PCDHA7: variants seen among roughly 807,000 people sequenced by gnomAD.
The protein encoded by PCDHA7 is protocadherin alpha-7.
In PCDHA7, 37 loss-of-function variants were observed where a neutral mutation model predicts 57.2. The ratio of observed to expected loss-of-function variants is 0.65; its 90% CI spans 0.50 to 0.85. PCDHA7 has a LOEUF of 0.85. PCDHA7 is among the 40% of genes least tolerant of loss of function. The probability of loss-of-function intolerance (pLI) is 0.00; values close to 1 mark genes in which losing one functional copy is unlikely to be tolerated. For missense variants in PCDHA7, 1,188 were observed against 1,241.8 expected (o/e 0.96, Z 0.65); for synonymous variants, 553 against 558.8 (o/e 0.99, Z 0.15).
chr5:140,881,398 AT>A (rs1269168835), intron 1 of PCDHA7: 1 of 975,426 alleles, frequency 1.0e-6, no homozygotes, highest in Non-Finnish European at 1.2e-6. Context: ...GTTAAATTCT[AT>A]TAAATCAATA....
Position 140,858,435 on chromosome 5 carries a change from A to T in PCDHA7, c.2355+21697A>T, listed in dbSNP as rs2045411060. The T allele has an allele frequency of 2.5e-5, 38 of 1,543,330 alleles. 4 individuals are homozygous for T. Among genetic ancestry groups the T allele is most frequent in the Non-Finnish European group, 3.1e-5 (35 of 1,135,660 alleles). ...TCTATTGGAGGGGACCACTCTAGGA[A>T]GGTGGGTTATTACGTTTTCATTTTC... On this transcript the variant is annotated intron_variant, in intron 1 of 3. Transcript: ENST00000525929.
intron 1 of PCDHA7, among the ~76,000 whole-genome samples, chr5:140,948,865 C>A (rs1358865868): frequency 1.3e-5 from 2 of 151,324 alleles, no homozygotes; most frequent in Non-Finnish European, 3.0e-5. Context: ...TATATTACTT[C>A]GGGTTTACTT....
rs2150357213 is a variant in PCDHA7 at position 140,843,314 on chromosome 5, G to T, written c.2355+6576G>T. 3.8e-6 allele frequency: 6 copies of T among 1,596,084 alleles called. 2 individuals carry two copies. Among genetic ancestry groups the T allele is most frequent in the Non-Finnish European group, 5.1e-6 (6 of 1,165,598 alleles). ...ACCTGCGCTGACCGCCACGGCCACG[G>T]TTCTGGTGTCGCTGGTGGAGAGCGG... is the stretch of plus-strand genomic sequence containing the variant. On this transcript the variant is annotated intron_variant, in intron 1 of 3. Transcript: ENST00000525929.
chr5:140,949,630 T>C (rs549897729), intron 1 of PCDHA7, among the ~76,000 whole-genome samples: 2 of 152,016 alleles, frequency 1.3e-5, no homozygotes, highest in South Asian at 4.1e-4. Flanking sequence ...TTTCATGGCA[T>C]ATTGCTTTTT....
intron 1 of PCDHA7, chr5:140,969,172 G>T (rs782196654): frequency 1.2e-5 from 19 of 1,614,086 alleles, no homozygotes; most frequent in Non-Finnish European, 1.5e-5. Context: ...CAGGCTCAGG[G>T]AGTGACACTT....
At chr5:140,838,766 T>C (rs2150292312) in intron 1 of PCDHA7, among the ~76,000 whole-genome samples, 4 of 151,986 alleles carry the variant, frequency 2.6e-5, no homozygotes, top group Non-Finnish European at 4.4e-5. Context: ...GTAGAGACTT[T>C]GTAAAATTAG....
In PCDHA7 at chr5:140,991,828, C is replaced by T. The variant is rs1554252431; in HGVS notation, c.2503+9265C>T. Among the ~76,000 whole-genome samples, 6 of 152,168 alleles carry T rather than the reference C, an allele frequency of 3.9e-5. No homozygotes were observed. The South Asian group carries it at 6.2e-4, about 16-fold the overall frequency. The stretch of plus-strand genomic sequence containing the variant: ...CTTCCGCATTTTTAGGCATTTATAA[C>T]GGCAGAACCGCACTTCCAGATACCA... On this transcript the variant is annotated intron_variant, in intron 3 of 3. Transcript: ENST00000525929.
intron 3 of PCDHA7, among the ~76,000 whole-genome samples, chr5:140,996,953 TCCCTCAATC>T (rs1554255576): frequency 6.6e-6 from 1 of 152,202 alleles, no homozygotes; most frequent in Non-Finnish European, 1.5e-5. Flanking sequence ...AATATTTATT[TCCCTCAATC>T]CCACTCCCCT....
chr5:140,883,946 G>C lies in PCDHA7; in HGVS notation c.2355+47208G>C, dbSNP rs139225969. ...GCAGGTGTTCGTGCTGGACGAGAACGACAACGCTCCGGCGCTGCTGACGCC... is the reference window on the plus strand; with the variant it reads ...GCAGGTGTTCGTGCTGGACGAGAACCACAACGCTCCGGCGCTGCTGACGCC... On this transcript the variant is annotated intron_variant, in intron 1 of 3. Coordinates refer to ENST00000525929, the MANE Select transcript of PCDHA7 (RefSeq NM_018910.3). The C allele has an allele frequency of 4.8e-5, 77 of 1,613,392 alleles. No individual in the cohort carries two copies. In the African/African-American group the frequency reaches 8.8e-4, roughly 18 times the overall value.
chr5:140,857,551 C>G (rs781926711), intron 1 of PCDHA7: 5 of 1,596,944 alleles, frequency 3.1e-6, no homozygotes. Flanking sequence ...TGGGCGAGCG[C>G]TCGCTGTCGA....
intron 1 of PCDHA7, chr5:140,884,495 A>T: frequency 6.2e-7 from 1 of 1,614,034 alleles, no homozygotes; most frequent in Non-Finnish European, 8.5e-7. Flanking sequence ...AGTGTGCTCC[A>T]GCGCGGCAGG....
Position 140,869,569 on chromosome 5 carries a change from G to A in PCDHA7, c.2355+32831G>A, listed in dbSNP as rs200465902. ...ATCGGACTCGCGTTTTCCACTAGAG[G>A]GAGCTTCTGATGCTGACATTGAAGA... On this transcript the variant is annotated intron_variant, in intron 1 of 3. Coordinates refer to ENST00000525929, the MANE Select transcript of PCDHA7 (RefSeq NM_018910.3). 4.4e-4 allele frequency: 718 copies of A among 1,614,118 alleles called. 4 individuals carry two copies. The African/African-American group carries it at 8.4e-3, about 19-fold the overall frequency.
At chr5:140,992,205 T>C (rs2097498733) in intron 3 of PCDHA7, among the ~76,000 whole-genome samples, 1 of 152,186 alleles carries the variant, frequency 6.6e-6, no homozygotes, top group South Asian at 2.1e-4. Flanking sequence ...TCCAATCAGA[T>C]AAACTACTCT....
intron 1 of PCDHA7, chr5:140,875,821 T>C: frequency 6.2e-7 from 1 of 1,614,192 alleles, no homozygotes; most frequent in Non-Finnish European, 8.5e-7. Context: ...GCTGCAGGTT[T>C]TCCATGTGGA....
intron 3 of PCDHA7, among the ~76,000 whole-genome samples, chr5:140,992,954 C>G (rs1174073844): frequency 6.6e-6 from 1 of 152,190 alleles, no homozygotes; most frequent in Non-Finnish European, 1.5e-5. Context: ...TTAAATCACC[C>G]CTTATACTGC....
rs201501759 is a variant in PCDHA7 at position 140,978,957 on chromosome 5, G to A, written c.2364G>A (p.Gln788=). The stretch of plus-strand genomic sequence containing the variant: ...TCTTTGTGATTTTGCAGCCACGACA[G>A]CCCAACCCTGACTGGCGTTACTCTG... ...QGPSSTDNPR[Q]PNPDWRYSAS... is the part of the protein sequence containing the mutation. Residue 788 remains glutamine, a synonymous_variant, in exon 2 of 4, where the codon CAG becomes CAA. Coordinates refer to ENST00000525929, the MANE Select transcript of PCDHA7 (RefSeq NM_018910.3). 56 of 1,614,040 alleles carry A rather than the reference G, an allele frequency of 3.5e-5. No individual in the cohort carries two copies. In the East Asian group the frequency reaches 1.1e-3, roughly 32 times the overall value.
intron 1 of PCDHA7, chr5:140,860,419 T>G (rs1239021926): frequency 6.6e-6 from 1 of 152,112 alleles, no homozygotes; most frequent in African/African-American, 2.4e-5. Context: ...AACACCATTA[T>G]CCTGCAAATA....
intron 3 of PCDHA7, among the ~76,000 whole-genome samples, chr5:141,007,395 C>CAAAAAAAA (rs35800918): frequency 4.0e-3 from 379 of 94,450 alleles, no homozygotes; most frequent in Non-Finnish European, 5.7e-3. Context: ...TACTAAAATA[C>CAAAAAAAA]AAAAAAAAAA....
chr5:140,976,776 C>T (rs1554237952), intron 1 of PCDHA7, among the ~76,000 whole-genome samples: 1 of 152,184 alleles, frequency 6.6e-6, no homozygotes. Context: ...TAGACTCTGA[C>T]TATATAGCTA....
Sources: gnomAD v4.1 joint callset for allele counts (sites outside exome capture counted in the v4.1 genomes callset) on GRCh38, gnomAD v4.1.1 for gene constraint, MANE v1.5 for transcripts, NCBI Gene and HGNC (gene_info 2026-07-23, HGNC 2026-07-21) for gene names.